SPATA17: variants seen among roughly 807,000 people sequenced by gnomAD.
SPATA17 encodes the protein spermatogenesis associated 17.
In SPATA17, 53 loss-of-function variants were observed where a neutral mutation model predicts 62.2. The observed-to-expected ratio is 0.85, with a 90% CI of 0.68 to 1.07. SPATA17 has a LOEUF of 1.07. SPATA17 is among the 50% of genes least tolerant of loss of function. The pLI is 0.00. For synonymous variants in SPATA17, 146 were observed against 146.8 expected, an observed-to-expected ratio of 0.99 and a Z score of 0.04; for missense variants, 466 against 425.5, an observed-to-expected ratio of 1.10 and a Z score of -0.84.
chr1:217,786,942 CTTTG>C (rs1224047927), intron 8 of SPATA17, among the ~76,000 whole-genome samples: 4 of 151,974 alleles, frequency 2.6e-5, no homozygotes, highest in Non-Finnish European at 5.9e-5. Context: ...CAACTGCCAT[CTTTG>C]TTTGTATCTC....
intron 5 of SPATA17, among the ~76,000 whole-genome samples, chr1:217,721,529 C>T (rs61825779): frequency 0.14 from 21,246 of 152,102 alleles, 1,569 homozygotes; most frequent in Non-Finnish European, 0.16. Context: ...CTTTCTCTGC[C>T]GGTATCTCTG....
intron 4 of SPATA17, among the ~76,000 whole-genome samples, chr1:217,673,458 CTT>C (rs1670874127): frequency 1.3e-5 from 2 of 152,152 alleles, no homozygotes; most frequent in South Asian, 4.1e-4. Context: ...TTCAATTTGA[CTT>C]TACTCCAGAT....
At chr1:217,798,474 C>G (rs1674212329) in intron 8 of SPATA17, among the ~76,000 whole-genome samples, 1 of 152,130 alleles carries the variant, frequency 6.6e-6, no homozygotes, top group Non-Finnish European at 1.5e-5. Flanking sequence ...GTTTAAGAGT[C>G]TTGTATTTAT....
chr1:217,820,183 T>C (rs1329450121), intron 9 of SPATA17, among the ~76,000 whole-genome samples: 2 of 152,092 alleles, frequency 1.3e-5, no homozygotes, highest in Non-Finnish European at 1.5e-5. Flanking sequence ...TGGCCGGATA[T>C]AGAATATGCA....
intron 5 of SPATA17, 79 bp downstream of exon 5, chr1:217,683,440 G>T: frequency 1.0e-6 from 1 of 976,304 alleles, no homozygotes; most frequent in East Asian, 2.6e-5. Flanking sequence ...ACCATAGTTA[G>T]AAATATTTTT....
intron 8 of SPATA17, among the ~76,000 whole-genome samples, chr1:217,799,770 T>TTAAG (rs1177711983): frequency 6.6e-6 from 1 of 152,026 alleles, no homozygotes; most frequent in Non-Finnish European, 1.5e-5. Flanking sequence ...ATTTAGACTT[T>TTAAG]TAAGAACACC....
intron 8 of SPATA17, among the ~76,000 whole-genome samples, chr1:217,790,089 G>C (rs1032617759): frequency 7.8e-4 from 118 of 152,204 alleles, no homozygotes; most frequent in Non-Finnish European, 1.3e-3. Context: ...TAACCGGTTA[G>C]GGGGAATGAC....
chr1:217,727,264 A>C (rs1672284904), intron 5 of SPATA17, among the ~76,000 whole-genome samples: 1 of 147,786 alleles, frequency 6.8e-6, no homozygotes, highest in African/African-American at 2.5e-5. Context: ...AATAATAATA[A>C]TAATAATAAT....
chr1:217,826,701 T>C (rs1396203702), intron 9 of SPATA17, among the ~76,000 whole-genome samples: 2 of 152,214 alleles, frequency 1.3e-5, no homozygotes, highest in African/African-American at 4.8e-5. Flanking sequence ...TTCAACCCAA[T>C]AGTCAATTTC....
At chr1:217,698,797 C>T (rs1671524767) in intron 5 of SPATA17, among the ~76,000 whole-genome samples, 1 of 152,158 alleles carries the variant, frequency 6.6e-6, no homozygotes, top group African/African-American at 2.4e-5. Context: ...ACAGCCAACA[C>T]ACAGAACAGT....
intron 6 of SPATA17, among the ~76,000 whole-genome samples, chr1:217,771,478 GAC>G (rs1571795031): frequency 6.6e-6 from 1 of 152,142 alleles, no homozygotes; most frequent in East Asian, 1.9e-4. Flanking sequence ...TGGCAATTGA[GAC>G]AATAGTATGT....
At chr1:217,856,922 C>G (rs1483618323) in intron 9 of SPATA17, among the ~76,000 whole-genome samples, 1 of 152,170 alleles carries the variant, frequency 6.6e-6, no homozygotes, top group African/African-American at 2.4e-5. Context: ...GTCTCCAGTG[C>G]TAACCAGACT....
chr1:217,742,976 C>G (rs969966299), intron 6 of SPATA17, among the ~76,000 whole-genome samples: 5 of 149,626 alleles, frequency 3.3e-5, no homozygotes, highest in African/African-American at 1.3e-4. Flanking sequence ...ATATTAAATC[C>G]TGGGCTGGCC....
chr1:217,726,207 A>G (rs1672253857), intron 5 of SPATA17, among the ~76,000 whole-genome samples: 1 of 152,180 alleles, frequency 6.6e-6, no homozygotes, highest in South Asian at 2.1e-4. Flanking sequence ...TTTTGTCACT[A>G]TCCTCCCAAG....
intron 5 of SPATA17, among the ~76,000 whole-genome samples, chr1:217,704,486 A>T (rs912082814): frequency 1.3e-5 from 2 of 149,668 alleles, no homozygotes; most frequent in Non-Finnish European, 3.0e-5. Context: ...TCCTGACCTC[A>T]TGATCCACCC....
At chr1:217,814,709 A>G (rs1251540395) in intron 9 of SPATA17, among the ~76,000 whole-genome samples, 5 of 151,940 alleles carry the variant, frequency 3.3e-5, no homozygotes, top group African/African-American at 7.2e-5. Flanking sequence ...TTATCTGGAC[A>G]TGGTGGCACA....
At position 217,697,271 on chromosome 1, in the gene SPATA17, G is replaced by A. The variant is rs537377333; in HGVS notation, c.395+13910G>A. Among the ~76,000 whole-genome samples, 22 of 152,252 alleles carry A rather than the reference G, an allele frequency of 1.4e-4. No individual in the cohort carries two copies. The South Asian group carries it at 4.6e-3, about 32-fold the overall frequency. On this transcript the variant is annotated intron_variant, in intron 5 of 10. Transcript: ENST00000366933. ...GCTGGGATTATAGGCGTGAGTCGCCGAGACTGGCCTCATTGTTTTGCTCAT... is the reference window on the plus strand; with the variant it reads ...GCTGGGATTATAGGCGTGAGTCGCCAAGACTGGCCTCATTGTTTTGCTCAT...
intron 9 of SPATA17, among the ~76,000 whole-genome samples, chr1:217,802,375 T>G (rs1416104270): frequency 6.6e-6 from 1 of 152,168 alleles, no homozygotes; most frequent in African/African-American, 2.4e-5. Context: ...ATGTGGCACT[T>G]ATGTGATATA....
chr1:217,716,986 C>T (rs921071440), intron 5 of SPATA17, among the ~76,000 whole-genome samples: 1 of 152,128 alleles, frequency 6.6e-6, no homozygotes, highest in Admixed American at 6.5e-5. Flanking sequence ...AAAATAATGG[C>T]GGATCTAGAG....
Sources: gnomAD v4.1 joint callset for allele counts (sites outside exome capture counted in the v4.1 genomes callset) on GRCh38, gnomAD v4.1.1 for gene constraint, MANE v1.5 for transcripts, NCBI Gene and HGNC (gene_info 2026-07-23, HGNC 2026-07-21) for gene names.